UTRN: variants seen among roughly 807,000 people sequenced by gnomAD.
UTRN encodes the protein utrophin, also known as dystrophin-related protein 1.
Under a neutral mutation model 463.9 loss-of-function variants are expected in UTRN, and 283 were observed. The ratio of observed to expected loss-of-function variants is 0.61; its 90% CI spans 0.55 to 0.67. The LOEUF is 0.67. Among genes scored for constraint, UTRN ranks in the 30% least tolerant of loss-of-function variants. The pLI is 0.00. For missense variants in UTRN, 3,922 were observed against 4,084.3 expected (o/e 0.96, Z 1.08); for synonymous variants, 1,442 against 1,431.5 (o/e 1.01, Z -0.17).
chr6:144,333,956 G>A (rs1471051319), intron 2 of UTRN, among the ~76,000 whole-genome samples: 1 of 152,158 alleles, frequency 6.6e-6, no homozygotes, highest in African/African-American at 2.4e-5. Context: ...CACTGTGATA[G>A]TCACTAGGTA....
intron 51 of UTRN, among the ~76,000 whole-genome samples, chr6:144,667,353 C>T (rs1174325227): frequency 6.6e-6 from 1 of 152,076 alleles, no homozygotes; most frequent in Admixed American, 6.6e-5. Flanking sequence ...CCACTGTGCC[C>T]GGCCTTTTAC....
chr6:144,523,452 G>A (rs187786592), intron 41 of UTRN, among the ~76,000 whole-genome samples: 3 of 152,280 alleles, frequency 2.0e-5, no homozygotes. Flanking sequence ...TGGGATTACA[G>A]GCGCACACCA....
At chr6:144,306,994 G>A (rs1310259381) in intron 2 of UTRN, among the ~76,000 whole-genome samples, 2 of 151,964 alleles carry the variant, frequency 1.3e-5, no homozygotes, top group African/African-American at 4.8e-5. Flanking sequence ...GAACCTGGGA[G>A]GTGGAGGCTG....
At chr6:144,326,673 A>G (rs1225930538) in intron 2 of UTRN, among the ~76,000 whole-genome samples, 2 of 152,062 alleles carry the variant, frequency 1.3e-5, no homozygotes, top group African/African-American at 4.8e-5. Context: ...TCTTTCCAAC[A>G]TTTTCTGGCT....
chr6:144,324,658 A>G (rs1173989863), intron 2 of UTRN, among the ~76,000 whole-genome samples: 1 of 152,262 alleles, frequency 6.6e-6, no homozygotes, highest in African/African-American at 2.4e-5. Flanking sequence ...CTTCCTGTGT[A>G]TAAATTAAAG....
At chr6:144,737,168 G>T (rs1789510002) in intron 54 of UTRN, among the ~76,000 whole-genome samples, 1 of 152,080 alleles carries the variant, frequency 6.6e-6, no homozygotes, top group Non-Finnish European at 1.5e-5. Flanking sequence ...GATAGAGATT[G>T]TATGGAAAAC....
chr6:144,623,815 G>A (rs1309188967), intron 51 of UTRN, among the ~76,000 whole-genome samples: 1 of 152,076 alleles, frequency 6.6e-6, no homozygotes, highest in Non-Finnish European at 1.5e-5. Context: ...TCCTGCATTG[G>A]TAGGGGACTG....
In UTRN at chr6:144,751,135, T is replaced by A. The variant is rs560169066; in HGVS notation, c.8209-671T>A. Among the ~76,000 whole-genome samples the A allele has an allele frequency of 5.9e-5, 9 of 152,308 alleles. No individual in the cohort carries two copies. The South Asian group carries it at 1.9e-3, about 32-fold the overall frequency. ...TAATTTAATTTTAAGTGGAAACATG[T>A]TAAAATCAAGTTGTTGCATTTGGTG... On this transcript the variant is annotated intron_variant, in intron 55 of 74. Transcript: ENST00000367545.
At chr6:144,467,107 C>T (rs761908656) in intron 23 of UTRN, among the ~76,000 whole-genome samples, 4 of 152,228 alleles carry the variant, frequency 2.6e-5, no homozygotes, top group Admixed American at 1.3e-4. Flanking sequence ...TGCCCTGAAG[C>T]CCTCCCTGCA....
intron 3 of UTRN, among the ~76,000 whole-genome samples, chr6:144,411,221 A>G (rs749398263): frequency 7.2e-5 from 11 of 152,088 alleles, no homozygotes; most frequent in African/African-American, 1.2e-4. Context: ...GCCAACATCT[A>G]TTGGTTTTTG....
chr6:144,743,371 A>G (rs1790318350), intron 54 of UTRN, among the ~76,000 whole-genome samples: 1 of 152,256 alleles, frequency 6.6e-6, no homozygotes, highest in Admixed American at 6.5e-5. Flanking sequence ...TTCATGGGAG[A>G]AACATAGTTT....
intron 62 of UTRN, among the ~76,000 whole-genome samples, chr6:144,791,038 A>G (rs1227765039): frequency 6.6e-6 from 1 of 152,178 alleles, no homozygotes; most frequent in Non-Finnish European, 1.5e-5. Context: ...TAAATATGAA[A>G]TCTCTTGGGT....
intron 2 of UTRN, among the ~76,000 whole-genome samples, chr6:144,391,577 T>C (rs895478892): frequency 6.6e-6 from 1 of 152,208 alleles, no homozygotes; most frequent in African/African-American, 2.4e-5. Flanking sequence ...CAATCATTAT[T>C]CGCAAGTAGG....
chr6:144,357,649 C>T (rs897097090), intron 2 of UTRN, among the ~76,000 whole-genome samples: 1 of 152,182 alleles, frequency 6.6e-6, no homozygotes, highest in African/African-American at 2.4e-5. Flanking sequence ...AGATAAAAAT[C>T]CCCCCACTTT....
chr6:144,847,729 C>G lies in UTRN; in HGVS notation c.10293+902C>G, dbSNP rs1252466478. Among the ~76,000 whole-genome samples, 15 of 152,092 alleles carry G rather than the reference C, an allele frequency of 9.9e-5. 1 individual carries two copies. In the East Asian group the frequency reaches 2.9e-3, roughly 29 times the overall value. On this transcript the variant is annotated intron_variant, in intron 74 of 74. Coordinates refer to ENST00000367545, the MANE Select transcript of UTRN (RefSeq NM_007124.3). ...AGATTTGGGGACCCTTAGAAATTTC[C>G]TTGTGAGCAATTTGTGAGGGAGGTC...
At chr6:144,817,351 G>A (rs1230610390) in intron 65 of UTRN, among the ~76,000 whole-genome samples, 2 of 151,886 alleles carry the variant, frequency 1.3e-5, no homozygotes, top group Non-Finnish European at 2.9e-5. Flanking sequence ...TTAAAATGTT[G>A]GGTAATTTGT....
chr6:144,761,506 G>T (rs1218576403), intron 58 of UTRN, among the ~76,000 whole-genome samples: 2 of 151,904 alleles, frequency 1.3e-5, no homozygotes, highest in Admixed American at 6.6e-5. Flanking sequence ...AATTAGCTGG[G>T]CATGGTAACA....
At chr6:144,720,730 C>T (rs546406299) in intron 53 of UTRN, among the ~76,000 whole-genome samples, 12 of 152,130 alleles carry the variant, frequency 7.9e-5, no homozygotes, top group Non-Finnish European at 1.5e-4. Flanking sequence ...AAGCTAGTTA[C>T]AATTTTTTTT....
At position 144,528,694 on chromosome 6, in the gene UTRN, G is replaced by A. The variant is rs570710363; in HGVS notation, c.5907-2358G>A. The stretch of plus-strand genomic sequence containing the variant: ...GCTGTGGATACCAGCACCTGCTCTG[G>A]TGGAAGTAACAGGGGAGTGAAGCGG... On this transcript the variant is annotated intron_variant, in intron 41 of 74. Coordinates refer to ENST00000367545, the MANE Select transcript of UTRN (RefSeq NM_007124.3). Among the ~76,000 whole-genome samples, 742 of 152,348 alleles carry A rather than the reference G, an allele frequency of 4.9e-3. 5 individuals carry two copies. Among genetic ancestry groups the A allele is most frequent in the Middle Eastern group, 0.01 (3 of 294 alleles).
Sources: gnomAD v4.1 joint callset for allele counts (sites outside exome capture counted in the v4.1 genomes callset) on GRCh38, gnomAD v4.1.1 for gene constraint, MANE v1.5 for transcripts, NCBI Gene and HGNC (gene_info 2026-07-23, HGNC 2026-07-21) for gene names.